TENT5C: variants seen among roughly 807,000 people sequenced by gnomAD.
TENT5C encodes family with sequence similarity 46 member C.
A neutral mutation model predicts 22.2 loss-of-function variants in TENT5C; 5 were observed. That is an observed-to-expected ratio of 0.22 (90% CI 0.12 to 0.47). The LOEUF is 0.47. Among genes scored for constraint, TENT5C ranks in the 20% least tolerant of loss-of-function variants. The probability of loss-of-function intolerance (pLI) is 0.99; values close to 1 mark genes in which losing one functional copy is unlikely to be tolerated. For missense variants in TENT5C, 364 were observed against 500.9 expected (o/e 0.73, Z 2.61); for synonymous variants, 199 against 195.4 (o/e 1.02, Z -0.15).
In TENT5C at chr1:117,626,105, C is replaced by T. The variant is rs777142022; in HGVS notation, c.*2061C>T. On this transcript the variant is annotated 3_prime_UTR_variant, in exon 2 of 2. Coordinates refer to ENST00000369448, the MANE Select transcript of TENT5C (RefSeq NM_017709.4). ...TGGCATGTGTTTGCACAAAAATGAC[C>T]GATGTGTTTAACCAAAGCTTTGAAA... The T allele has an allele frequency of 2.4e-5, 6 of 247,710 alleles. No individual in the cohort carries two copies. Among genetic ancestry groups the T allele is most frequent in the Admixed American group, 5.6e-5 (1 of 17,768 alleles). The allele number at this position is 247,710 out of a possible 1,614,324, so 15.3% of individuals were successfully genotyped here. A position where few individuals can be genotyped will look rare whatever the true frequency, so the allele number is the denominator to read the frequency against.
intron 1 of TENT5C, among the ~76,000 whole-genome samples, chr1:117,613,791 A>C (rs1156331936): frequency 2.6e-5 from 4 of 152,222 alleles, no homozygotes; most frequent in African/African-American, 9.6e-5. Context: ...TGGAGCTGAG[A>C]GTGAGAAAAG....
rs1654057021 is a variant in TENT5C at position 117,628,263 on chromosome 1, T to G, written c.*4219T>G. The G allele has an allele frequency of 4.0e-6, 1 of 247,254 alleles. No individual in the cohort carries two copies. 15.3% of individuals were successfully genotyped at this position (247,254 alleles called of 1,614,324 possible). On this transcript the variant is annotated 3_prime_UTR_variant, in exon 2 of 2. Coordinates refer to ENST00000369448, the MANE Select transcript of TENT5C (RefSeq NM_017709.4). ...TCTGGGGATTCCTCTTTCGTGGTGGTCACTAACCTTACTTGATGCAGATAA... is the reference window on the plus strand; with the variant it reads ...TCTGGGGATTCCTCTTTCGTGGTGGGCACTAACCTTACTTGATGCAGATAA...
At position 117,624,282 on chromosome 1, in the gene TENT5C, CCT is replaced by C. The variant is rs200789997; in HGVS notation, c.*239_*240del. The stretch of plus-strand genomic sequence containing the variant: ...TTGGAAAACGCTACAGGAAGCATGA[CCT>C]ATCCACATCTTTCCAAGATAGACAC... On this transcript the variant is annotated 3_prime_UTR_variant, in exon 2 of 2. Transcript: ENST00000369448. The C allele has an allele frequency of 0.065, 34,292 of 526,396 alleles. 1,227 individuals carry two copies. The highest frequency in any genetic ancestry group is 0.099 in the African/African-American group (5,155 of 52,198). The allele number at this position is 526,396 out of a possible 1,614,324, so 32.6% of individuals were successfully genotyped here.
intron 1 of TENT5C, among the ~76,000 whole-genome samples, chr1:117,612,992 G>A (rs769253440): frequency 2.6e-4 from 40 of 152,160 alleles, no homozygotes; most frequent in African/African-American, 8.4e-4. Flanking sequence ...TGTGGATTAC[G>A]TGTAAGCTGA....
chr1:117,621,674 C>A (rs10923356), intron 1 of TENT5C, among the ~76,000 whole-genome samples: 2,098 of 152,120 alleles, frequency 0.014, 49 homozygotes, highest in African/African-American at 0.048. Context: ...GTGGGTCTAG[C>A]AAGTCAGAAA....
Position 117,624,106 on chromosome 1 carries a change from GAGC to G in TENT5C, c.*63_*65del. The stretch of plus-strand genomic sequence containing the variant: ...ATAGGGCTAGGGCTCTCAGGTAGGG[GAGC>G]CTCCTTCTAGATGTAGGCATTTGGC... On this transcript the variant is annotated 3_prime_UTR_variant, in exon 2 of 2. Coordinates refer to ENST00000369448, the MANE Select transcript of TENT5C (RefSeq NM_017709.4). 7.1e-7 allele frequency: 1 copy of G among 1,415,126 alleles called. No individual in the cohort carries two copies. The highest frequency in any genetic ancestry group is 2.4e-5 in the East Asian group (1 of 41,612). The allele number at this position is 1,415,126 out of a possible 1,614,324, so 87.7% of individuals were successfully genotyped here. A position where few individuals can be genotyped will look rare whatever the true frequency, so the allele number is the denominator to read the frequency against.
At chr1:117,619,348 C>T (rs1455921594) in intron 1 of TENT5C, among the ~76,000 whole-genome samples, 2 of 152,156 alleles carry the variant, frequency 1.3e-5, no homozygotes, top group Admixed American at 1.3e-4. Flanking sequence ...CTGCCCCTCT[C>T]TTAAGTAAGG....
Position 117,624,391 on chromosome 1 carries a change from T to C in TENT5C, c.*347T>C, listed in dbSNP as rs571576709. ...AGATTGGGAGAATTTGGGCAGCGCG[T>C]GAGAAGTGCTAAGCTACTTGTTTTC... is the stretch of plus-strand genomic sequence containing the variant. On this transcript the variant is annotated 3_prime_UTR_variant, in exon 2 of 2. Transcript: ENST00000369448. 1 of 301,666 alleles carries C rather than the reference T, an allele frequency of 3.3e-6. No homozygotes were observed. Among genetic ancestry groups the C allele is most frequent in the South Asian group, 1.2e-4 (1 of 8,318 alleles). 18.7% of individuals were successfully genotyped at this position (301,666 alleles called of 1,614,324 possible).
intron 1 of TENT5C, among the ~76,000 whole-genome samples, chr1:117,612,337 G>A (rs826414): frequency 0.71 from 108,194 of 151,494 alleles, 39,473 homozygotes; most frequent in African/African-American, 0.87. Context: ...TTCCTAGCCC[G>A]GTGCTCATTC....
At chr1:117,621,080 G>A (rs180911619) in intron 1 of TENT5C, among the ~76,000 whole-genome samples, 1 of 152,304 alleles carries the variant, frequency 6.6e-6, no homozygotes, top group African/African-American at 2.4e-5. Context: ...CACAGATTTT[G>A]CTTGGGATCC....
At chr1:117,612,269 T>G (rs554870095) in intron 1 of TENT5C, among the ~76,000 whole-genome samples, 2 of 152,162 alleles carry the variant, frequency 1.3e-5, no homozygotes, top group East Asian at 1.9e-4. Flanking sequence ...TATGGCCAAC[T>G]TACTGACAGT....
rs373012610 is a variant in TENT5C at position 117,622,027 on chromosome 1, G to A, written c.-27-815G>A. Among the ~76,000 whole-genome samples, 8 of 152,130 alleles carry A rather than the reference G, an allele frequency of 5.3e-5. No homozygotes were observed. The East Asian group carries it at 9.6e-4, about 18-fold the overall frequency. ...GTACACTTGAAGGCGCACACTGCCC[G>A]GGGGAAGTTGGCCATGTCCTGTGTT... is the stretch of plus-strand genomic sequence containing the variant. On this transcript the variant is annotated intron_variant, in intron 1 of 1. Transcript: ENST00000369448.
At position 117,626,537 on chromosome 1, in the gene TENT5C, G is replaced by T; in HGVS notation, c.*2493G>T. The T allele has an allele frequency of 8.1e-6, 2 of 248,064 alleles. No homozygotes were observed. The allele number at this position is 248,064 out of a possible 1,614,324, so 15.4% of individuals were successfully genotyped here. On this transcript the variant is annotated 3_prime_UTR_variant, in exon 2 of 2. Transcript: ENST00000369448. ...AAAACACAACCCCTGGGCTAGTGAT[G>T]TCTCTACTTGCTCTATGAGCCTTTT...
intron 1 of TENT5C, among the ~76,000 whole-genome samples, chr1:117,618,292 TG>T: frequency 6.6e-6 from 1 of 152,182 alleles, no homozygotes; most frequent in Admixed American, 6.5e-5. Context: ...GCTACATGTT[TG>T]AAATGAGAAA....
Position 117,625,807 on chromosome 1 carries a change from A to G in TENT5C, c.*1763A>G, listed in dbSNP as rs1653998536. The G allele has an allele frequency of 8.1e-6, 2 of 248,034 alleles. No homozygotes were observed. Among genetic ancestry groups the G allele is most frequent in the Non-Finnish European group, 1.7e-5 (2 of 118,112 alleles). The allele number at this position is 248,034 out of a possible 1,614,324, so 15.4% of individuals were successfully genotyped here. ...TGGTCCTCTTAAAAGCAGATCAGCC[A>G]TGACTGAAACTCAAGGCTTAGCTGG... On this transcript the variant is annotated 3_prime_UTR_variant, in exon 2 of 2. Transcript: ENST00000369448.
chr1:117,613,888 C>T (rs1350456436), intron 1 of TENT5C, among the ~76,000 whole-genome samples: 2 of 152,148 alleles, frequency 1.3e-5, no homozygotes, highest in Non-Finnish European at 2.9e-5. Context: ...CTTCTTTGAA[C>T]TCAGGTAGAA....
chr1:117,610,337 C>T (rs1653638485), intron 1 of TENT5C, among the ~76,000 whole-genome samples: 2 of 152,132 alleles, frequency 1.3e-5, no homozygotes, highest in South Asian at 4.1e-4. Flanking sequence ...ACCCACCCTC[C>T]ACCCCCCATG....
chr1:117,607,038 C>A (rs992342875), intron 1 of TENT5C, among the ~76,000 whole-genome samples: 3 of 152,220 alleles, frequency 2.0e-5, no homozygotes, highest in African/African-American at 7.2e-5. Context: ...ACTCCCTTCG[C>A]ACTGGTCGCG....
rs1654004481 is a variant in TENT5C, at chr1:117,626,024, A to G, written c.*1980A>G. 4.0e-6 allele frequency: 1 copy of G among 248,030 alleles called. No individual in the cohort carries two copies. 15.4% of individuals were successfully genotyped at this position (248,030 alleles called of 1,614,324 possible). A position where few individuals can be genotyped will look rare whatever the true frequency, so the allele number is the denominator to read the frequency against. On this transcript the variant is annotated 3_prime_UTR_variant, in exon 2 of 2. Transcript: ENST00000369448. ...GTGAACCCCAATGAAGAGTGATCCC[A>G]ACTTTGGAAACTATCTGGTCATTCA... is the stretch of plus-strand genomic sequence containing the variant.
Sources: allele counts gnomAD v4.1 joint callset (sites outside exome capture counted in the v4.1 genomes callset), GRCh38; gene constraint gnomAD v4.1.1; transcripts MANE v1.5; gene names NCBI Gene and HGNC (gene_info 2026-07-23, HGNC 2026-07-21).